The following PTPRJ variants were observed in gnomAD, a reference collection of about 807,000 sequenced individuals.
PTPRJ encodes receptor-type tyrosine-protein phosphatase eta.
Under a neutral mutation model 141.3 loss-of-function variants are expected in PTPRJ, and 129 were observed. The observed-to-expected ratio is 0.91, with a 90% CI of 0.79 to 1.06. PTPRJ has a LOEUF of 1.06. PTPRJ is among the 50% of genes least tolerant of loss of function. The pLI is 0.00. For synonymous variants in PTPRJ, 610 were observed against 640.5 expected (o/e 0.95, Z 0.72); for missense variants, 1,601 against 1,679.7 (o/e 0.95, Z 0.82).
chr11:48,071,764 C>G (rs1855263069), intron 1 of PTPRJ, among the ~76,000 whole-genome samples: 1 of 148,658 alleles, frequency 6.7e-6, no homozygotes, highest in African/African-American at 2.5e-5. Context: ...GCATCACGCC[C>G]AGCTAATTTT....
chr11:48,081,697 G>A (rs1204553675), intron 1 of PTPRJ, among the ~76,000 whole-genome samples: 3 of 151,820 alleles, frequency 2.0e-5, no homozygotes, highest in Non-Finnish European at 2.9e-5. Context: ...GTCCCACCAC[G>A]GACTCATTGT....
intron 1 of PTPRJ, among the ~76,000 whole-genome samples, chr11:48,073,412 C>T (rs1295912666): frequency 1.3e-5 from 2 of 152,228 alleles, no homozygotes; most frequent in Admixed American, 1.3e-4. Context: ...GCCCTTTGAT[C>T]CATTTCCCAT....
chr11:48,160,116 T>G lies in PTPRJ; in HGVS notation c.3558+67T>G, dbSNP rs919916091. ...ATATGTTAATTTGGGGGTGATATGT[T>G]TTAGGTTGATATTAACTAATATGTT... On this transcript the variant is annotated intron_variant, in intron 22 of 24. Transcript: ENST00000418331. 3.4e-5 allele frequency: 53 copies of G among 1,570,418 alleles called. No individual in the cohort carries two copies. The South Asian group carries it at 5.8e-4, about 17-fold the overall frequency.
At chr11:48,069,202 C>A (rs1247133374) in intron 1 of PTPRJ, among the ~76,000 whole-genome samples, 1 of 151,094 alleles carries the variant, frequency 6.6e-6, no homozygotes, top group Non-Finnish European at 1.5e-5. Flanking sequence ...CGGGATAAAG[C>A]GATTCTCCTG....
chr11:48,129,744 G>T (rs1017408800), intron 7 of PTPRJ, among the ~76,000 whole-genome samples: 2 of 152,120 alleles, frequency 1.3e-5, no homozygotes, highest in Non-Finnish European at 2.9e-5. Flanking sequence ...TCTATGTTCT[G>T]AGCTGTGATC....
At chr11:48,000,281 C>T (rs1854459697) in intron 1 of PTPRJ, among the ~76,000 whole-genome samples, 1 of 151,668 alleles carries the variant, frequency 6.6e-6, no homozygotes, top group South Asian at 2.1e-4. Context: ...GCTGGGACTA[C>T]AGATGTGTGC....
intron 1 of PTPRJ, among the ~76,000 whole-genome samples, chr11:48,101,354 G>T (rs983671954): frequency 1.3e-5 from 2 of 152,126 alleles, no homozygotes; most frequent in Non-Finnish European, 2.9e-5. Context: ...GTGGGACTCG[G>T]TGGGGTGGTC....
chr11:48,161,779 AT>A (rs561833629), intron 22 of PTPRJ, among the ~76,000 whole-genome samples: 2 of 151,498 alleles, frequency 1.3e-5, no homozygotes, highest in African/African-American at 2.4e-5. Context: ...TGCCCAGCTA[AT>A]TTTTTTTGTA....
chr11:48,002,814 G>A (rs958182434), intron 1 of PTPRJ, among the ~76,000 whole-genome samples: 1 of 152,176 alleles, frequency 6.6e-6, no homozygotes. Flanking sequence ...GGCTGCTTTA[G>A]TTGAGGCAGG....
chr11:48,000,482 T>C (rs1407044156), intron 1 of PTPRJ, among the ~76,000 whole-genome samples: 1 of 152,092 alleles, frequency 6.6e-6, no homozygotes, highest in African/African-American at 2.4e-5. Flanking sequence ...GTTATTCCAC[T>C]GCTTAAAAGC....
chr11:48,148,371 CATGT>C (rs1857400824), intron 15 of PTPRJ, among the ~76,000 whole-genome samples: 1 of 152,144 alleles, frequency 6.6e-6, no homozygotes, highest in South Asian at 2.1e-4. Flanking sequence ...CACATGGAAT[CATGT>C]TACATGTTAG....
chr11:48,083,249 A>C (rs1349927081), intron 1 of PTPRJ, among the ~76,000 whole-genome samples: 1 of 152,156 alleles, frequency 6.6e-6, no homozygotes, highest in Non-Finnish European at 1.5e-5. Context: ...AACATGGTGA[A>C]ACCATATCTC....
At chr11:48,127,740 G>GC in intron 6 of PTPRJ, 40 bp from the exon 7 acceptor site, 1 of 1,600,502 alleles carries the variant, frequency 6.2e-7, no homozygotes, top group East Asian at 2.2e-5. Context: ...CTCTGCCTTG[G>GC]CCGTTCTGGT....
intron 1 of PTPRJ, among the ~76,000 whole-genome samples, chr11:47,986,733 CT>C (rs1482086221): frequency 4.6e-5 from 7 of 152,226 alleles, no homozygotes; most frequent in Non-Finnish European, 1.0e-4. Context: ...CCAGGCTGGT[CT>C]TTAACTCCTG....
intron 1 of PTPRJ, among the ~76,000 whole-genome samples, chr11:47,986,223 A>C (rs979656870): frequency 2.0e-5 from 3 of 152,160 alleles, no homozygotes; most frequent in Non-Finnish European, 4.4e-5. Flanking sequence ...GCCTCAGTTT[A>C]CAAGGCAAGT....
chr11:48,024,801 G>T (rs538290293), intron 1 of PTPRJ, among the ~76,000 whole-genome samples: 38 of 152,360 alleles, frequency 2.5e-4, no homozygotes, highest in African/African-American at 7.2e-4. Context: ...GGGCTACCTG[G>T]AGTTTTTCCA....
At position 48,163,474 on chromosome 11, in the gene PTPRJ, G is replaced by A. The variant is rs1857835929; in HGVS notation, c.3575G>A (p.Ser1192Asn). The A allele has an allele frequency of 3.1e-6, 5 of 1,613,890 alleles. No homozygotes were observed. Among genetic ancestry groups the A allele is most frequent in the African/African-American group, 1.3e-5 (1 of 74,886 alleles). ...FTVKNIQTSE[S>N]HPLRQFHFTS... ...GGCTTTTAGATCCAGACAAGTGAGAGTCACCCTCTGAGACAGTTCCATTTC... is the reference window on the plus strand; with the variant it reads ...GGCTTTTAGATCCAGACAAGTGAGAATCACCCTCTGAGACAGTTCCATTTC... The change falls in exon 23 of 25, where the codon AGT becomes AAT. Residue 1192 changes from serine to asparagine, a missense_variant. Physicochemically the swap from Ser to Asn is conservative, Grantham distance 46. Transcript: ENST00000418331.
intron 1 of PTPRJ, among the ~76,000 whole-genome samples, chr11:48,094,271 A>G (rs1447094855): frequency 6.6e-6 from 1 of 152,252 alleles, no homozygotes; most frequent in East Asian, 1.9e-4. Flanking sequence ...GTTAGGTCCC[A>G]AAGAGAGTGC....
At chr11:48,014,116 G>A (rs993011257) in intron 1 of PTPRJ, among the ~76,000 whole-genome samples, 1 of 152,150 alleles carries the variant, frequency 6.6e-6, no homozygotes, top group Non-Finnish European at 1.5e-5. Flanking sequence ...GATGCTCTTC[G>A]TTCCTTTGCT....
Sources: gnomAD v4.1 joint callset for allele counts (sites outside exome capture counted in the v4.1 genomes callset) on GRCh38, gnomAD v4.1.1 for gene constraint, MANE v1.5 for transcripts, NCBI Gene and HGNC (gene_info 2026-07-23, HGNC 2026-07-21) for gene names.